Variants in FUT8 observed in about 807,000 individuals in gnomAD.
FUT8 encodes alpha-(1,6)-fucosyltransferase.
A neutral mutation model predicts 71.3 loss-of-function variants in FUT8; 29 were observed. The observed-to-expected ratio is 0.41, with a 90% CI of 0.30 to 0.55. FUT8 has a LOEUF of 0.55. Ranked by LOEUF, FUT8 falls within the 20% of genes least tolerant of loss-of-function variation. The pLI is 0.34. For missense variants in FUT8, 544 were observed against 702.1 expected, an observed-to-expected ratio of 0.77 and a Z score of 2.55; for synonymous variants, 254 against 239.3, an observed-to-expected ratio of 1.06 and a Z score of -0.57.
chr14:65,734,305 C>G (rs976447689), intron 10 of FUT8, among the ~76,000 whole-genome samples: 1 of 152,140 alleles, frequency 6.6e-6, no homozygotes, highest in African/African-American at 2.4e-5. Context: ...AAAGCCACAT[C>G]ATTTTTACAA....
chr14:65,584,023 G>A (rs1887234204), intron 3 of FUT8, among the ~76,000 whole-genome samples: 1 of 152,044 alleles, frequency 6.6e-6, no homozygotes, highest in Admixed American at 6.6e-5. Context: ...GGGACTACAG[G>A]CGCGTGCTAC....
chr14:65,435,268 TA>T (rs1443336143), intron 1 of FUT8, among the ~76,000 whole-genome samples: 19 of 152,244 alleles, frequency 1.2e-4, no homozygotes, highest in South Asian at 8.3e-4. Context: ...ATTTTTGTTG[TA>T]TTTTTTTTAC....
intron 2 of FUT8, among the ~76,000 whole-genome samples, chr14:65,486,756 A>G (rs1411814992): frequency 1.3e-5 from 2 of 152,358 alleles, no homozygotes; most frequent in African/African-American, 4.8e-5. Flanking sequence ...CATGTGTAAA[A>G]TGAGGATAAG....
intron 3 of FUT8, among the ~76,000 whole-genome samples, chr14:65,589,483 G>C (rs540241202): frequency 1.6e-5 from 2 of 123,804 alleles, no homozygotes; most frequent in Admixed American, 2.2e-4. Flanking sequence ...TCGCTCTGTC[G>C]CCCAGGCTGG....
intron 3 of FUT8, among the ~76,000 whole-genome samples, chr14:65,610,809 T>G (rs1039306764): frequency 3.3e-5 from 5 of 151,932 alleles, no homozygotes; most frequent in Non-Finnish European, 7.4e-5. Context: ...ATAGGAAGAA[T>G]TACATTGATT....
intron 2 of FUT8, among the ~76,000 whole-genome samples, chr14:65,554,254 A>G (rs1288175992): frequency 1.3e-5 from 2 of 151,632 alleles, no homozygotes; most frequent in Non-Finnish European, 2.9e-5. Flanking sequence ...CGAATCCCTT[A>G]TCTGTTTTTG....
intron 2 of FUT8, among the ~76,000 whole-genome samples, chr14:65,471,721 A>G (rs143022902): frequency 4.6e-5 from 7 of 151,896 alleles, no homozygotes; most frequent in African/African-American, 1.7e-4. Context: ...TGATGGCTCT[A>G]AGAAGAGTTG....
chr14:65,602,883 G>A (rs1888382670), intron 3 of FUT8, among the ~76,000 whole-genome samples: 1 of 151,708 alleles, frequency 6.6e-6, no homozygotes, highest in Non-Finnish European at 1.5e-5. Flanking sequence ...TTTCCTTGCT[G>A]TGGATTCTGT....
chr14:65,421,735 A>AT (rs1566736635), intron 1 of FUT8, among the ~76,000 whole-genome samples: 1 of 34,352 alleles, frequency 2.9e-5, no homozygotes. Context: ...AAACCCTTTA[A>AT]CCCACCCCCC....
chr14:65,696,052 C>G (rs529516413), intron 7 of FUT8, among the ~76,000 whole-genome samples: 1 of 152,006 alleles, frequency 6.6e-6, no homozygotes, highest in East Asian at 1.9e-4. Flanking sequence ...TCTCCCATCC[C>G]GTAAAGCATT....
At chr14:65,587,912 T>G (rs923036690) in intron 3 of FUT8, among the ~76,000 whole-genome samples, 1 of 152,186 alleles carries the variant, frequency 6.6e-6, no homozygotes, top group Non-Finnish European at 1.5e-5. Context: ...TGTTTCCAAG[T>G]TGACAGCCCA....
intron 5 of FUT8, among the ~76,000 whole-genome samples, chr14:65,622,711 T>G (rs1347415030): frequency 6.6e-6 from 1 of 152,188 alleles, no homozygotes; most frequent in Non-Finnish European, 1.5e-5. Context: ...TAGCATTGCT[T>G]ATTTTTGCTG....
chr14:65,379,345 C>T, the FUT8 span, among the ~76,000 whole-genome samples: 2 of 151,926 alleles, frequency 1.3e-5, no homozygotes, highest in Non-Finnish European at 2.9e-5. Flanking sequence ...GCCTGGCCAA[C>T]ATGGTGAAAC....
intron 2 of FUT8, chr14:65,529,303 T>C (rs1883764847): frequency 6.6e-6 from 1 of 152,102 alleles, no homozygotes; most frequent in Admixed American, 6.6e-5. Context: ...ACAATTTTGG[T>C]TCACCGCAAC....
the FUT8 span, among the ~76,000 whole-genome samples, chr14:65,389,535 A>AC: frequency 6.6e-6 from 1 of 151,158 alleles, no homozygotes; most frequent in African/African-American, 2.4e-5. Flanking sequence ...CTGGTCTTGA[A>AC]CCCCTGACCT....
chr14:65,398,444 A>T, the FUT8 span, among the ~76,000 whole-genome samples: 100 of 152,230 alleles, frequency 6.6e-4, 2 homozygotes, highest in South Asian at 8.9e-3. Context: ...ATTAAAAAAA[A>T]TTTTTTTAGG....
At chr14:65,437,605 T>C (rs557182058) in intron 1 of FUT8, among the ~76,000 whole-genome samples, 3 of 152,338 alleles carry the variant, frequency 2.0e-5, no homozygotes, top group Admixed American at 6.5e-5. Flanking sequence ...AGTACATGAA[T>C]TCATATTACT....
chr14:65,495,688 G>A (rs2066547879), intron 2 of FUT8, among the ~76,000 whole-genome samples: 1 of 152,100 alleles, frequency 6.6e-6, no homozygotes, highest in African/African-American at 2.4e-5. Flanking sequence ...TAATTTAGCA[G>A]AATAAAACAC....
chr14:65,728,978 C>CT (rs1199980538), intron 9 of FUT8, among the ~76,000 whole-genome samples: 1 of 150,548 alleles, frequency 6.6e-6, no homozygotes, highest in Non-Finnish European at 1.5e-5. Flanking sequence ...ACTCTTTTCA[C>CT]TTAATACAGC....
Sources: allele counts gnomAD v4.1 joint callset (sites outside exome capture counted in the v4.1 genomes callset), GRCh38; gene constraint gnomAD v4.1.1; transcripts MANE v1.5; gene names NCBI Gene and HGNC (gene_info 2026-07-23, HGNC 2026-07-21).